Variants in SLC4A7 observed in about 807,000 individuals in gnomAD.
SLC4A7 encodes solute carrier family 4 member 7.
In SLC4A7, 51 loss-of-function variants were observed where a neutral mutation model predicts 137.6. The ratio of observed to expected loss-of-function variants is 0.37; its 90% confidence interval spans 0.30 to 0.47. The LOEUF (loss-of-function observed/expected upper bound fraction) is 0.47. Among genes scored for constraint, SLC4A7 ranks in the 20% least tolerant of loss-of-function variants. The pLI, the probability that SLC4A7 is intolerant of heterozygous loss-of-function variation, is 1.00. For missense variants in SLC4A7, 1,247 were observed against 1,525.4 expected, an observed-to-expected ratio of 0.82 and a Z score of 3.04; for synonymous variants, 542 against 518.6, an observed-to-expected ratio of 1.05 and a Z score of -0.61.
At chr3:27,401,940 T>A (rs979017116) in intron 15 of SLC4A7, among the ~76,000 whole-genome samples, 2 of 152,198 alleles carry the variant, frequency 1.3e-5, no homozygotes, top group Admixed American at 1.3e-4. Flanking sequence ...GGCATCATAG[T>A]GTCACTAGTA....
intron 23 of SLC4A7, among the ~76,000 whole-genome samples, 192 bp from the exon 24 acceptor site, chr3:27,383,442 A>T (rs1470895704): frequency 1.3e-5 from 2 of 152,186 alleles, no homozygotes; most frequent in East Asian, 3.8e-4. Flanking sequence ...GTAAAACATG[A>T]CTAATTTAAC....
At chr3:27,400,928 C>A in intron 15 of SLC4A7, 59 bp from the exon 16 acceptor site, 1 of 953,714 alleles carries the variant, frequency 1.0e-6, no homozygotes, top group Non-Finnish European at 1.7e-6. Context: ...TTACATTTTA[C>A]TAAATCAATT....
At chr3:27,449,720 C>T (rs1329027113) in intron 2 of SLC4A7, among the ~76,000 whole-genome samples, 1 of 152,116 alleles carries the variant, frequency 6.6e-6, no homozygotes, top group Non-Finnish European at 1.5e-5. Context: ...AGCACTATGT[C>T]AAATATCAAA....
At position 27,375,217 on chromosome 3, in the gene SLC4A7, G is replaced by A. The variant is rs986873567; in HGVS notation, c.*1547C>T. On this transcript the variant is annotated 3_prime_UTR_variant, in exon 26 of 26. Coordinates refer to ENST00000454389, the MANE Select transcript of SLC4A7 (RefSeq NM_001321103.2). ...CATGATCCTTTATTAGATTAATTAT[G>A]TATACCTTTGTAATTTAATTATATG... 3 of 151,936 alleles carry A rather than the reference G, an allele frequency of 2.0e-5. No homozygotes were observed. Among genetic ancestry groups the A allele is most frequent in the Non-Finnish European group, 2.9e-5 (2 of 67,884 alleles). 9.4% of individuals were successfully genotyped at this position (151,936 alleles called of 1,614,324 possible). A position where few individuals can be genotyped will look rare whatever the true frequency, so the allele number is the denominator to read the frequency against.
At chr3:27,432,749 T>C (rs1376025975) in intron 6 of SLC4A7, among the ~76,000 whole-genome samples, 1 of 152,140 alleles carries the variant, frequency 6.6e-6, no homozygotes, top group Non-Finnish European at 1.5e-5. Context: ...GTCAATGTCT[T>C]CTGATGAGCA....
rs1179864395 is a variant in SLC4A7, at chr3:27,406,911, G to A, written c.1942-1948C>T. 4.0e-5 allele frequency among the ~76,000 whole-genome samples: 6 copies of A among 151,802 alleles called. No homozygotes were observed. In the South Asian group the frequency reaches 1.2e-3, roughly 32 times the overall value. On this transcript the variant is annotated intron_variant, in intron 13 of 25. Coordinates refer to ENST00000454389, the MANE Select transcript of SLC4A7 (RefSeq NM_001321103.2). The stretch of plus-strand genomic sequence containing the variant: ...CACTCTAGCCTGAGTGACACAGTGA[G>A]ACCCTGTCTCAAAAAAACAAAAAGC...
At chr3:27,478,906 G>T (rs2059590868) in intron 1 of SLC4A7, among the ~76,000 whole-genome samples, 1 of 151,562 alleles carries the variant, frequency 6.6e-6, no homozygotes, top group Non-Finnish European at 1.5e-5. Context: ...TGGGGAGGCT[G>T]AGGCACAAGA....
intron 18 of SLC4A7, among the ~76,000 whole-genome samples, chr3:27,395,986 T>C (rs1056423409): frequency 6.6e-6 from 1 of 152,210 alleles, no homozygotes; most frequent in Non-Finnish European, 1.5e-5. Context: ...GAGATACTAA[T>C]ACATTTTGAC....
rs143604212 is a variant in SLC4A7, at chr3:27,471,909, G to A, written c.60+12158C>T. On this transcript the variant is annotated intron_variant, in intron 1 of 25. Coordinates refer to ENST00000454389, the MANE Select transcript of SLC4A7 (RefSeq NM_001321103.2). ...TTTTTACACTTTATATGCCATTCCT[G>A]TGAGGCCGATTGAAAAAGCTGAAAA... is the stretch of plus-strand genomic sequence containing the variant. Among the ~76,000 whole-genome samples, 1,285 of 152,260 alleles carry A rather than the reference G, an allele frequency of 8.4e-3. 14 individuals carry two copies. The highest frequency in any genetic ancestry group is 0.014 in the Non-Finnish European group (928 of 68,016).
At chr3:27,414,967 T>C (rs948503625) in intron 11 of SLC4A7, among the ~76,000 whole-genome samples, 6 of 152,218 alleles carry the variant, frequency 3.9e-5, no homozygotes, top group African/African-American at 1.2e-4. Context: ...CGTTCCTGGC[T>C]TTTTCTATAA....
At chr3:27,386,298 GC>G (rs1370350043) in intron 22 of SLC4A7, among the ~76,000 whole-genome samples, 1 of 150,628 alleles carries the variant, frequency 6.6e-6, no homozygotes, top group African/African-American at 2.4e-5. Context: ...AAATTATGAA[GC>G]AGGTTAAACA....
rs2059848053 is a variant in SLC4A7, at chr3:27,484,258, G to A, written c.-132C>T. The A allele has an allele frequency of 1.5e-6, 1 of 668,412 alleles. No homozygotes were observed. 41.4% of individuals were successfully genotyped at this position (668,412 alleles called of 1,614,324 possible). A position where few individuals can be genotyped will look rare whatever the true frequency, so the allele number is the denominator to read the frequency against. On this transcript the variant is annotated 5_prime_UTR_variant, in exon 1 of 26. Coordinates refer to ENST00000454389, the MANE Select transcript of SLC4A7 (RefSeq NM_001321103.2). ...AAACGTGGGTGCGTCCGTGCGCGAG[G>A]TGTGCGCGCGTGGGGAGAGCCGGGC...
At chr3:27,422,443 GT>G in intron 8 of SLC4A7, among the ~76,000 whole-genome samples, 2 of 151,968 alleles carry the variant, frequency 1.3e-5, no homozygotes, top group African/African-American at 4.8e-5. Flanking sequence ...AATTTTTGTT[GT>G]TTTTTTGTAG....
chr3:27,448,585 T>G lies in SLC4A7; in HGVS notation c.289+66A>C. 2.2e-6 allele frequency: 3 copies of G among 1,378,870 alleles called. 1 individual carries two copies. The highest frequency in any genetic ancestry group is 3.0e-6 in the Non-Finnish European group (3 of 997,674). The allele number at this position is 1,378,870 out of a possible 1,614,324, so 85.4% of individuals were successfully genotyped here. A position where few individuals can be genotyped will look rare whatever the true frequency, so the allele number is the denominator to read the frequency against. On this transcript the variant is annotated intron_variant, in intron 3 of 25. Coordinates refer to ENST00000454389, the MANE Select transcript of SLC4A7 (RefSeq NM_001321103.2). ...ACAATTTTTAAAAGAAATATTCAAT[T>G]AAAAGAAAATACTTTCCAGGAAAAT...
chr3:27,469,429 TG>T (rs958183098), intron 1 of SLC4A7, among the ~76,000 whole-genome samples: 1 of 152,184 alleles, frequency 6.6e-6, no homozygotes, highest in Non-Finnish European at 1.5e-5. Context: ...AACTTTAAAT[TG>T]GGGTTTCCAC....
At chr3:27,395,137 T>C (rs1359643159) in intron 18 of SLC4A7, 22 bp from the exon 19 acceptor site, 1 of 1,545,610 alleles carries the variant, frequency 6.5e-7, no homozygotes, top group Non-Finnish European at 8.7e-7. Flanking sequence ...TTAAATATAA[T>C]TTTCAAAAAG....
Position 27,404,849 on chromosome 3 carries a change from T to A in SLC4A7, c.2056A>T (p.Ile686Phe), listed in dbSNP as rs774033728. Residue 686 changes from isoleucine (I) to phenylalanine (F), a missense_variant, in exon 14 of 26, where the codon ATT becomes TTT. Coordinates refer to ENST00000454389, the MANE Select transcript of SLC4A7 (RefSeq NM_001321103.2). ...STGPVLVFEK[I>F]LYKFCRDYQL... ...ACTTACCTGCAGAATTTATATAAAATTTTTTCAAACACTAGAACTGGACCT... is the reference window on the plus strand; with the variant it reads ...ACTTACCTGCAGAATTTATATAAAAATTTTTCAAACACTAGAACTGGACCT... 6.2e-6 allele frequency: 10 copies of A among 1,604,196 alleles called. No individual in the cohort carries two copies. Among genetic ancestry groups the A allele is most frequent in the South Asian group, 3.4e-5 (3 of 89,002 alleles).
chr3:27,474,546 C>T (rs2059387878), intron 1 of SLC4A7, among the ~76,000 whole-genome samples: 1 of 151,954 alleles, frequency 6.6e-6, no homozygotes, highest in Admixed American at 6.6e-5. Context: ...CCGGTCCCTA[C>T]TAAAAATACA....
chr3:27,437,571 T>C, intron 3 of SLC4A7, 45 bp from the exon 4 acceptor site: 1 of 1,322,642 alleles, frequency 7.6e-7, no homozygotes, highest in Non-Finnish European at 1.0e-6. Context: ...TTTCCTCAAG[T>C]CATTCAAAGA....
Sources: gnomAD v4.1 joint callset for allele counts (sites outside exome capture counted in the v4.1 genomes callset) on GRCh38, gnomAD v4.1.1 for gene constraint, MANE v1.5 for transcripts, NCBI Gene and HGNC (gene_info 2026-07-23, HGNC 2026-07-21) for gene names.